The following BAIAP3 variants were observed in gnomAD, a reference collection of about 807,000 sequenced individuals.
The protein encoded by BAIAP3 is BAI1-associated protein 3.
Under a neutral mutation model 149.7 loss-of-function variants are expected in BAIAP3, and 180 were observed. That is an observed-to-expected ratio of 1.20 (90% confidence interval 1.07 to 1.36). The LOEUF (loss-of-function observed/expected upper bound fraction) is 1.36. Among genes scored for constraint, BAIAP3 ranks in the 40% most tolerant of loss-of-function variants. The probability of loss-of-function intolerance (pLI) is 0.00; values close to 1 mark genes in which losing one functional copy is unlikely to be tolerated. For synonymous variants in BAIAP3, 845 were observed against 670.7 expected, an observed-to-expected ratio of 1.26 and a Z score of -4.02; for missense variants, 1,767 against 1,563.4, an observed-to-expected ratio of 1.13 and a Z score of -2.20.
Position 1,344,260 on chromosome 16 carries a change from C to G in BAIAP3, c.1545C>G (p.Ser515=). The change falls in exon 17 of 34, where the codon TCC becomes TCG. Residue 515 remains serine, a synonymous_variant. Transcript: ENST00000426824. ...CLGKLQLFQP[S]FEICPFESEL... is the part of the protein sequence containing the mutation. ...GCAAGCTGCAGCTCTTCCAACCCTCCTTTGAGATCTGCCCCTTCGAGTCGG... is the reference window on the plus strand; with the variant it reads ...GCAAGCTGCAGCTCTTCCAACCCTCGTTTGAGATCTGCCCCTTCGAGTCGG... 6.2e-7 allele frequency: 1 copy of G among 1,613,756 alleles called. No homozygotes were observed.
Position 1,345,066 on chromosome 16 carries a change from A to C in BAIAP3, c.1907A>C (p.Asp636Ala). 1 of 1,612,262 alleles carries C rather than the reference A, an allele frequency of 6.2e-7. No homozygotes were observed. Among genetic ancestry groups the C allele is most frequent in the Non-Finnish European group, 8.5e-7 (1 of 1,179,960 alleles). ...GLFELYLTLA[D>A]LQRFWDSIPG... is the part of the protein sequence containing the mutation. ...TTTGAGCTCTACCTGACCCTGGCTG[A>C]CCTCCAGCGCTTCTGGGATAGCATC... Residue 636 changes from aspartate to alanine, a missense_variant, in exon 21 of 34, where the codon GAC becomes GCC. Physicochemically the swap from Asp to Ala is moderately radical, Grantham distance 126. Coordinates refer to ENST00000426824, the MANE Select transcript of BAIAP3 (RefSeq NM_001199097.2).
intron 5 of BAIAP3, among the ~76,000 whole-genome samples, chr16:1,340,589 C>T (rs372227244): frequency 4.9e-4 from 75 of 152,374 alleles, no homozygotes; most frequent in African/African-American, 1.6e-3. Context: ...CATGTCTACA[C>T]AGACACACAC....
rs776835145 is a variant in BAIAP3 at position 1,338,583 on chromosome 16, C to G, written c.34C>G (p.Leu12Val). 1 of 1,609,964 alleles carries G rather than the reference C, an allele frequency of 6.2e-7. No homozygotes were observed. The highest frequency in any genetic ancestry group is 2.2e-5 in the East Asian group (1 of 44,786). Residue 12 changes from leucine to valine, a missense_variant, in exon 2 of 34, where the codon CTC becomes GTC. Coordinates refer to ENST00000426824, the MANE Select transcript of BAIAP3 (RefSeq NM_001199097.2). ...STLLDIKSSV[L>V]RQVQVCPSFR... ...CTTGCTGGACATTAAGAGCAGCGTG[C>G]TCAGGCAGGTGCAGGTGTGCCCGTC...
At chr16:1,346,738 C>A (rs968753739) in intron 27 of BAIAP3, 54 bp downstream of exon 27, 12 of 1,529,632 alleles carry the variant, frequency 7.8e-6, no homozygotes, top group Admixed American at 2.0e-5. Context: ...ACTGAGGCCG[C>A]CCTGCAGGGT....
intron 14 of BAIAP3, 182 bp downstream of exon 14, chr16:1,343,198 T>C (rs1369847908): frequency 9.3e-7 from 1 of 1,075,024 alleles, no homozygotes; most frequent in East Asian, 2.6e-5. Flanking sequence ...TACGGGTAGG[T>C]GAGGCAGCGA....
Position 1,342,732 on chromosome 16 carries a change from T to A in BAIAP3, c.1079T>A (p.Met360Lys). 6.2e-7 allele frequency: 1 copy of A among 1,612,512 alleles called. No homozygotes were observed. Among genetic ancestry groups the A allele is most frequent in the Non-Finnish European group, 8.5e-7 (1 of 1,179,994 alleles). Residue 360 changes from methionine to lysine, a missense_variant, in exon 13 of 34, where the codon ATG (methionine) becomes AAG (lysine). Physicochemically the swap from Met to Lys is moderately conservative, Grantham distance 95 (BLOSUM62 -1). Transcript: ENST00000426824. Reference sequence around the variant, plus strand: ...TCTGCGTTGCAGAGGGATACGGCCATGAGCCAGCGCGGGCGATCCGGCTTC... The same window carrying A: ...TCTGCGTTGCAGAGGGATACGGCCAAGAGCCAGCGCGGGCGATCCGGCTTC... Reference protein sequence around the residue: ...KLITTQRDTAMSQRGRSGFLS... With the variant: ...KLITTQRDTAKSQRGRSGFLS...
At position 1,345,287 on chromosome 16, in the gene BAIAP3, C is replaced by T. The variant is rs763302658; in HGVS notation, c.1979C>T (p.Pro660Leu). ...CTGGCCCTGGCTGGCATCCACGCCCCCTTCCTGCCTGCTGTGAAGCTCTGG... is the reference window on the plus strand; with the variant it reads ...CTGGCCCTGGCTGGCATCCACGCCCTCTTCCTGCCTGCTGTGAAGCTCTGG... ...RSLALAGIHA[P>L]FLPAVKLWFQ... is the part of the protein sequence containing the mutation. Residue 660 changes from proline (P) to leucine (L), a missense_variant, in exon 22 of 34, where the codon CCC (proline) becomes CTC (leucine). Transcript: ENST00000426824. 15 of 1,613,052 alleles carry T rather than the reference C, an allele frequency of 9.3e-6. No homozygotes were observed. The highest frequency in any genetic ancestry group is 8.5e-6 in the Non-Finnish European group (10 of 1,179,936).
At chr16:1,346,386 C>T (rs944119246) in intron 25 of BAIAP3, 25 bp downstream of exon 25, 15 of 1,610,998 alleles carry the variant, frequency 9.3e-6, no homozygotes, top group East Asian at 4.5e-5. Context: ...GAGACCAAGG[C>T]GTGGAGGCAG....
At position 1,339,607 on chromosome 16, in the gene BAIAP3, A is replaced by G; in HGVS notation, c.408+4A>G. The stretch of plus-strand genomic sequence containing the variant: ...CCTGCTCAGCTATCTCCAGCAGGTC[A>G]GCCCACCCTGACCCCGACCCAGACC... On this transcript the variant is annotated splice_donor_region_variant and intron_variant, in intron 5 of 33. Coordinates refer to ENST00000426824, the MANE Select transcript of BAIAP3 (RefSeq NM_001199097.2). The G allele has an allele frequency of 1.9e-6, 3 of 1,608,980 alleles. No homozygotes were observed. The South Asian group carries it at 3.3e-5, about 18-fold the overall frequency.
Position 1,341,985 on chromosome 16 carries a change from G to T in BAIAP3, c.777-1G>T. 6.3e-7 allele frequency: 1 copy of T among 1,593,210 alleles called. No homozygotes were observed. The highest frequency in any genetic ancestry group is 8.5e-7 in the Non-Finnish European group (1 of 1,170,144). ...GCCAGGTCCTCCCCTGTCCCCACCA[G>T]GGATCATGACGACGATGTATCCCTG... is the stretch of plus-strand genomic sequence containing the variant. On this transcript the variant is annotated splice_acceptor_variant, in intron 9 of 33. Coordinates refer to ENST00000426824, the MANE Select transcript of BAIAP3 (RefSeq NM_001199097.2). LOFTEE classifies it high-confidence loss of function.
chr16:1,343,069 TG>T, intron 14 of BAIAP3, 53 bp downstream of exon 14: 1 of 1,241,506 alleles, frequency 8.1e-7, no homozygotes. Flanking sequence ...CGTGAGCGAG[TG>T]GGGCATCGGG....
At chr16:1,336,467 C>T (rs2033464979) in intron 1 of BAIAP3, 2 of 901,338 alleles carry the variant, frequency 2.2e-6, no homozygotes, top group Admixed American at 1.2e-4. Flanking sequence ...CTGTCCTCAG[C>T]TCTAGGGTCT....
chr16:1,346,511 G>A lies in BAIAP3; in HGVS notation c.2562+1G>A. Reference sequence around the variant, plus strand: ...GCCTGACTCCATCCAGAACGATGAGGTGAGTGCCGGGGCGAGGGGCCGTGG... The same window carrying A: ...GCCTGACTCCATCCAGAACGATGAGATGAGTGCCGGGGCGAGGGGCCGTGG... On this transcript the variant is annotated splice_donor_variant, in intron 26 of 33. Transcript: ENST00000426824. LOFTEE classifies it high-confidence loss of function. 6.2e-7 allele frequency: 1 copy of A among 1,609,926 alleles called. No individual in the cohort carries two copies. Among genetic ancestry groups the A allele is most frequent in the Non-Finnish European group, 8.5e-7 (1 of 1,178,618 alleles).
intron 4 of BAIAP3, 122 bp from the exon 5 acceptor site, chr16:1,339,374 G>A (rs768260176): frequency 6.8e-6 from 10 of 1,478,678 alleles, no homozygotes; most frequent in Non-Finnish European, 8.2e-6. Context: ...GGTGAGTGAG[G>A]AGCGGAGGGG....
At chr16:1,348,046 CCAGGCT>C in intron 32 of BAIAP3, 29 bp downstream of exon 32, 2 of 1,583,816 alleles carry the variant, frequency 1.3e-6, no homozygotes, top group Non-Finnish European at 1.7e-6. Flanking sequence ...AGCCCCAGCC[CCAGGCT>C]CCAGGCTGCC....
chr16:1,341,277 ACGCCTGCCGTG>A lies in BAIAP3; in HGVS notation c.536-15_536-5del. The A allele has an allele frequency of 6.2e-7, 1 of 1,606,470 alleles. No individual in the cohort carries two copies. The highest frequency in any genetic ancestry group is 8.5e-7 in the Non-Finnish European group (1 of 1,175,550). ...CAGAGGGCGTGGGGCCAGGGCTGAG[ACGCCTGCCGTG>A]CCCAGGCTTCAGCGACCCATACTGC... On this transcript the variant is annotated splice_region_variant and splice_polypyrimidine_tract_variant and intron_variant, in intron 7 of 33. Coordinates refer to ENST00000426824, the MANE Select transcript of BAIAP3 (RefSeq NM_001199097.2).
In BAIAP3 at chr16:1,346,620, A is replaced by T. The variant is rs2141612550; in HGVS notation, c.2578A>T (p.Met860Leu). ...CTGCCCGCAGGCCGTGGCCCCGCTC[A>T]TGAAGTACCTGGATGAGAAGCTGGC... Reference protein sequence around the residue: ...IQNDEAVAPLMKYLDEKLALL... With the variant: ...IQNDEAVAPLLKYLDEKLALL... Residue 860 changes from methionine (M) to leucine (L), a missense_variant, in exon 27 of 34, where the codon ATG (methionine) becomes TTG (leucine). Transcript: ENST00000426824. 6.8e-7 allele frequency: 1 copy of T among 1,460,302 alleles called. No individual in the cohort carries two copies. The highest frequency in any genetic ancestry group is 2.1e-5 in the Admixed American group (1 of 48,020). The allele number at this position is 1,460,302 out of a possible 1,614,324, so 90.5% of individuals were successfully genotyped here.
Position 1,344,958 on chromosome 16 carries a change from G to C in BAIAP3, c.1810-11G>C, listed in dbSNP as rs201700902. On this transcript the variant is annotated splice_polypyrimidine_tract_variant and intron_variant, in intron 20 of 33. Coordinates refer to ENST00000426824, the MANE Select transcript of BAIAP3 (RefSeq NM_001199097.2). ...TTGCTGCTGGAGGCCTGATCCTGCT[G>C]TCCCGGACAGGTGGCTGAGGAGGCG... 3.1e-6 allele frequency: 5 copies of C among 1,613,296 alleles called. No individual in the cohort carries two copies. Among genetic ancestry groups the C allele is most frequent in the Non-Finnish European group, 4.2e-6 (5 of 1,180,006 alleles).
At chr16:1,338,328 A>AG (rs2033608430) in intron 1 of BAIAP3, among the ~76,000 whole-genome samples, 1 of 152,032 alleles carries the variant, frequency 6.6e-6, no homozygotes, top group East Asian at 1.9e-4. Context: ...GCCGCCCTGC[A>AG]GGGGGCGCAG....
Sources: allele counts gnomAD v4.1 joint callset (sites outside exome capture counted in the v4.1 genomes callset), GRCh38; gene constraint gnomAD v4.1.1; transcripts MANE v1.5; gene names NCBI Gene and HGNC (gene_info 2026-07-23, HGNC 2026-07-21).